PLCL2: variants seen among roughly 807,000 people sequenced by gnomAD.
PLCL2 encodes phospholipase C like 2.
PLCL2 carries 4 observed loss-of-function variants against 79.6 expected under a neutral mutation model. That is an observed-to-expected ratio of 0.05 (90% CI 0.02 to 0.11). The LOEUF is 0.11. Ranked by LOEUF, PLCL2 falls within the 10% of genes least tolerant of loss-of-function variation. The pLI is 1.00. For synonymous variants in PLCL2, 484 were observed against 457.7 expected (o/e 1.06, Z -0.73); for missense variants, 895 against 1,291.0 (o/e 0.69, Z 4.70).
intron 1 of PLCL2, among the ~76,000 whole-genome samples, chr3:16,952,822 A>T (rs2063666604): frequency 6.6e-6 from 1 of 152,100 alleles, no homozygotes; most frequent in Non-Finnish European, 1.5e-5. Context: ...TCTTTTGCGA[A>T]ATAATTTCTT....
At position 16,887,428 on chromosome 3, in the gene PLCL2, T is replaced by G. The variant is rs1460188111; in HGVS notation, c.327+2062T>G. ...TTTTGGATTTACCAGTCCCATATTTTGTTCATTGTATTGTACCTCCAAAGA... is the reference window on the plus strand; with the variant it reads ...TTTTGGATTTACCAGTCCCATATTTGGTTCATTGTATTGTACCTCCAAAGA... On this transcript the variant is annotated intron_variant, in intron 1 of 5. Transcript: ENST00000615277. The surrounding 1 kb of genome is among the most constrained non-coding windows in gnomAD (Gnocchi z 4.1). Among the ~76,000 whole-genome samples, 3 of 152,254 alleles carry G rather than the reference T, an allele frequency of 2.0e-5. No individual in the cohort carries two copies. Among genetic ancestry groups the G allele is most frequent in the Non-Finnish European group, 4.4e-5 (3 of 68,038 alleles).
intron 1 of PLCL2, among the ~76,000 whole-genome samples, chr3:16,969,560 T>C (rs1167392102): frequency 6.6e-6 from 1 of 152,094 alleles, no homozygotes. Context: ...GAGGGGTTTT[T>C]TGTATTTCTG....
intron 1 of PLCL2, among the ~76,000 whole-genome samples, chr3:16,931,241 C>A (rs1021684212): frequency 2.0e-5 from 3 of 151,824 alleles, no homozygotes; most frequent in Non-Finnish European, 4.4e-5. Context: ...ATTCTGAGAT[C>A]TTTGAGAGTA....
intron 1 of PLCL2, among the ~76,000 whole-genome samples, chr3:16,908,984 C>G (rs907110104): frequency 1.3e-5 from 2 of 152,044 alleles, no homozygotes; most frequent in African/African-American, 4.8e-5. Context: ...TATGCTTCAG[C>G]CTTCTTTCTA....
intron 1 of PLCL2, among the ~76,000 whole-genome samples, chr3:16,908,087 TTCTG>T (rs1696791121): frequency 6.6e-6 from 1 of 152,308 alleles, no homozygotes; most frequent in African/African-American, 2.4e-5. Context: ...TTCGTGGGTT[TTCTG>T]TCTCTCTATT....
chr3:17,067,239 T>A (rs2065019064), intron 4 of PLCL2, among the ~76,000 whole-genome samples: 1 of 152,178 alleles, frequency 6.6e-6, no homozygotes, highest in Non-Finnish European at 1.5e-5. Context: ...GATTCAGCGG[T>A]CTTACTATTA....
chr3:16,990,012 G>A (rs532893810), intron 1 of PLCL2, among the ~76,000 whole-genome samples: 4 of 152,230 alleles, frequency 2.6e-5, no homozygotes, highest in Admixed American at 6.5e-5. Flanking sequence ...TCAAGGAAGC[G>A]TATCTGAGAT....
At chr3:16,936,264 G>A (rs1575538691) in intron 1 of PLCL2, among the ~76,000 whole-genome samples, 1 of 152,252 alleles carries the variant, frequency 6.6e-6, no homozygotes, top group East Asian at 1.9e-4. Flanking sequence ...TTAAATTCTG[G>A]AGTTGCCTAA....
chr3:16,904,318 G>A lies in PLCL2; in HGVS notation c.327+18952G>A, dbSNP rs1341103378. 3.6e-4 allele frequency among the ~76,000 whole-genome samples: 48 copies of A among 134,752 alleles called. 1 individual carries two copies. Among genetic ancestry groups the A allele is most frequent in the African/African-American group, 7.4e-4 (24 of 32,530 alleles). The allele number at this position is 134,752 out of a possible 152,430, so 88.4% of individuals were successfully genotyped here. On this transcript the variant is annotated intron_variant, in intron 1 of 5. Transcript: ENST00000615277. ...CAAGAGATCTTGACAAAAAAAAAAA[G>A]CAAACTTTGGAGTTCATTTTGTTAA...
chr3:16,920,589 T>C (rs902490260), intron 1 of PLCL2, among the ~76,000 whole-genome samples: 8 of 152,150 alleles, frequency 5.3e-5, no homozygotes, highest in Admixed American at 4.6e-4. Flanking sequence ...TGAGTGGCTA[T>C]TACACACTAG....
chr3:16,900,685 C>T (rs1406614284), intron 1 of PLCL2, among the ~76,000 whole-genome samples: 1 of 152,180 alleles, frequency 6.6e-6, no homozygotes, highest in Non-Finnish European at 1.5e-5. Flanking sequence ...CCTTTAACAT[C>T]AGCTTAGTGG....
chr3:17,024,976 C>T (rs77818616), intron 3 of PLCL2, among the ~76,000 whole-genome samples: 4,319 of 152,152 alleles, frequency 0.028, 224 homozygotes, highest in African/African-American at 0.1. Context: ...GAGTGTGGGC[C>T]CCGTTTGAAA....
chr3:16,891,450 C>T (rs1357145490), intron 1 of PLCL2, among the ~76,000 whole-genome samples: 1 of 152,126 alleles, frequency 6.6e-6, no homozygotes, highest in Non-Finnish European at 1.5e-5. Context: ...AAAGTTTTGT[C>T]TTTTGAAATA....
intron 5 of PLCL2, among the ~76,000 whole-genome samples, chr3:17,075,807 AG>A (rs1559541130): frequency 6.6e-6 from 1 of 152,228 alleles, no homozygotes; most frequent in Non-Finnish European, 1.5e-5. Flanking sequence ...TATTTCATGT[AG>A]CATTGTGCTT....
intron 1 of PLCL2, among the ~76,000 whole-genome samples, chr3:16,958,262 A>C (rs181105177): frequency 1.8e-4 from 27 of 152,356 alleles, no homozygotes; most frequent in African/African-American, 6.5e-4. Flanking sequence ...AGCCAAGCTT[A>C]GAAAAGGATG....
intron 4 of PLCL2, among the ~76,000 whole-genome samples, chr3:17,051,681 A>G (rs2064840445): frequency 6.6e-6 from 1 of 152,158 alleles, no homozygotes; most frequent in South Asian, 2.1e-4. Flanking sequence ...CCATCTATAA[A>G]GCTGCTAATG....
chr3:16,938,463 G>A (rs1325509308), intron 1 of PLCL2, among the ~76,000 whole-genome samples: 1 of 152,080 alleles, frequency 6.6e-6, no homozygotes, highest in Non-Finnish European at 1.5e-5. Context: ...TCTGCGGTGG[G>A]AGTTGACTGG....
At chr3:16,966,878 A>G (rs1197062063) in intron 1 of PLCL2, among the ~76,000 whole-genome samples, 2 of 152,000 alleles carry the variant, frequency 1.3e-5, no homozygotes, top group East Asian at 3.9e-4. Flanking sequence ...CTCAGGTAAT[A>G]AGCATAGTAC....
At chr3:17,042,140 C>A (rs1273621834) in intron 3 of PLCL2, among the ~76,000 whole-genome samples, 1 of 152,110 alleles carries the variant, frequency 6.6e-6, no homozygotes, top group Non-Finnish European at 1.5e-5. Flanking sequence ...AGACTTGTTT[C>A]TGGCTATCCC....
Sources: gnomAD v4.1 joint callset for allele counts (sites outside exome capture counted in the v4.1 genomes callset) on GRCh38, gnomAD v4.1.1 for gene constraint, Gnocchi (gnomAD v3.1) non-coding constraint, MANE v1.5 for transcripts, NCBI Gene and HGNC (gene_info 2026-07-23, HGNC 2026-07-21) for gene names.